Variants in MTG2 observed in about 807,000 individuals in gnomAD.
The protein encoded by MTG2 is mitochondrial ribosome-associated GTPase 2.
Under a neutral mutation model 28.6 loss-of-function variants are expected in MTG2, and 23 were observed. The observed-to-expected ratio is 0.80, with a 90% CI of 0.58 to 1.14. MTG2 has a LOEUF of 1.14. MTG2 is among the 50% of genes most tolerant of loss of function. MTG2 has a pLI of 0.00. For missense variants in MTG2, 539 were observed against 552.0 expected, an observed-to-expected ratio of 0.98 and a Z score of 0.24; for synonymous variants, 260 against 251.8, an observed-to-expected ratio of 1.03 and a Z score of -0.31.
chr20:62,193,392 A>G (rs1456611853), intron 1 of MTG2, 24 bp from the exon 2 acceptor site: 57 of 1,610,968 alleles, frequency 3.5e-5, no homozygotes, highest in Non-Finnish European at 4.6e-5. Context: ...CAAGTATCTC[A>G]TTTTGCCAAT....
intron 1 of MTG2, among the ~76,000 whole-genome samples, chr20:62,191,613 A>G (rs534845261): frequency 6.6e-6 from 1 of 152,278 alleles, no homozygotes; most frequent in East Asian, 1.9e-4. Flanking sequence ...CGTCCGAGGC[A>G]CTGCGAGGGA....
At chr20:62,199,686 A>C (rs1307599438) in intron 6 of MTG2, among the ~76,000 whole-genome samples, 6 of 140,478 alleles carry the variant, frequency 4.3e-5, no homozygotes, top group African/African-American at 1.6e-4. Context: ...TTCCTAATGT[A>C]AACAACTTTT....
chr20:62,195,778 G>A (rs770425820), intron 2 of MTG2, 24 bp from the exon 3 acceptor site: 27 of 1,613,664 alleles, frequency 1.7e-5, no homozygotes, highest in East Asian at 8.9e-5. Flanking sequence ...TTGAGATGAC[G>A]TGGGATATTT....
intron 1 of MTG2, among the ~76,000 whole-genome samples, chr20:62,184,590 G>C (rs2057802219): frequency 6.6e-6 from 1 of 152,150 alleles, no homozygotes. Flanking sequence ...CTGGAGGTGT[G>C]AGCCTCAGTC....
At chr20:62,196,800 G>A (rs1219740053) in intron 3 of MTG2, among the ~76,000 whole-genome samples, 2 of 151,660 alleles carry the variant, frequency 1.3e-5, no homozygotes, top group Admixed American at 6.6e-5. Flanking sequence ...AGACCGAGGC[G>A]GGTGGATCGC....
chr20:62,194,705 TG>T (rs1168790247), intron 2 of MTG2, among the ~76,000 whole-genome samples: 2 of 152,192 alleles, frequency 1.3e-5, no homozygotes, highest in East Asian at 3.9e-4. Flanking sequence ...GCAGCAGCCC[TG>T]GGTGGCTGTC....
At chr20:62,184,168 C>T (rs531574504) in intron 1 of MTG2, among the ~76,000 whole-genome samples, 6 of 152,318 alleles carry the variant, frequency 3.9e-5, no homozygotes, top group South Asian at 2.1e-4. Context: ...ACCAGCCTGG[C>T]CAACATGGTG....
At chr20:62,191,321 G>A (rs2057954398) in intron 1 of MTG2, among the ~76,000 whole-genome samples, 1 of 152,120 alleles carries the variant, frequency 6.6e-6, no homozygotes, top group Admixed American at 6.5e-5. Flanking sequence ...GGCCCACGTG[G>A]GAGGGGCTGT....
rs138844562 is a variant in MTG2, at chr20:62,197,966, G to A, written c.467G>A (p.Arg156Gln). The A allele has an allele frequency of 1.6e-5, 26 of 1,613,122 alleles. No individual in the cohort carries two copies. In the East Asian group the frequency reaches 2.7e-4, roughly 17 times the overall value. Reference protein sequence around the residue: ...FGRSGAVLYIRVPVGTLVKEG... With the variant: ...FGRSGAVLYIQVPVGTLVKEG... Reference sequence around the variant, plus strand: ...CGCAGTGGCGCCGTCCTCTACATCCGGGTGAGCCGAGACTGCCGGACCTGG... The same window carrying A: ...CGCAGTGGCGCCGTCCTCTACATCCAGGTGAGCCGAGACTGCCGGACCTGG... Residue 156 changes from arginine (R) to glutamine (Q), a missense_variant and splice_region_variant, in exon 4 of 7, where the codon CGG (arginine) becomes CAG (glutamine). Arg to Gln is a conservative substitution (Grantham distance 43). Coordinates refer to ENST00000370823, the MANE Select transcript of MTG2 (RefSeq NM_015666.4).
chr20:62,196,569 C>CTT (rs1292204240), intron 3 of MTG2, among the ~76,000 whole-genome samples: 1 of 151,682 alleles, frequency 6.6e-6, no homozygotes, highest in Non-Finnish European at 1.5e-5. Flanking sequence ...CTACTTGGGG[C>CTT]TGAAGCAGGA....
In MTG2 at chr20:62,197,914, G is replaced by T. The variant is rs766770799; in HGVS notation, c.415G>T (p.Asp139Tyr). 38 of 1,614,132 alleles carry T rather than the reference G, an allele frequency of 2.4e-5. No individual in the cohort carries two copies. Among genetic ancestry groups the T allele is most frequent in the African/African-American group, 6.7e-5 (5 of 74,952 alleles). ...LSRYQGFSGEDGGSKNCFGRS... is the reference protein window; with the variant it reads ...LSRYQGFSGEYGGSKNCFGRS... ...GCGGTACCAGGGTTTCAGTGGAGAA[G>T]ATGGAGGGAGTAAAAACTGCTTCGG... The change falls in exon 4 of 7, where the codon GAT becomes TAT. Residue 139 changes from aspartate to tyrosine, a missense_variant. Transcript: ENST00000370823.
At chr20:62,186,540 T>TTTTTG (rs2057851889) in intron 1 of MTG2, among the ~76,000 whole-genome samples, 1 of 147,728 alleles carries the variant, frequency 6.8e-6, no homozygotes, top group Non-Finnish European at 1.5e-5. Context: ...TTTTTTTTTT[T>TTTTTG]TTTTTTGAGA....
Position 62,195,969 on chromosome 20 carries a change from G to A in MTG2, c.352+20G>A. ...TGAGAGGCAGGTGCCCTGGGGCAGT[G>A]CAGCGGGGTTGAGGAGGGGCCCCGA... On this transcript the variant is annotated intron_variant, in intron 3 of 6. Transcript: ENST00000370823. 1 of 1,613,070 alleles carries A rather than the reference G, an allele frequency of 6.2e-7. No homozygotes were observed. The highest frequency in any genetic ancestry group is 1.1e-5 in the South Asian group (1 of 91,046).
chr20:62,195,240 G>A (rs1288213314), intron 2 of MTG2, among the ~76,000 whole-genome samples: 1 of 152,146 alleles, frequency 6.6e-6, no homozygotes, highest in Admixed American at 6.5e-5. Context: ...CCAGCGAGGG[G>A]CTCTGTTTGC....
Position 62,195,851 on chromosome 20 carries a change from G to GA in MTG2, c.255dup (p.Gly86ArgfsTer10). 1 of 1,614,232 alleles carries GA rather than the reference G, an allele frequency of 6.2e-7. No individual in the cohort carries two copies. The highest frequency in any genetic ancestry group is 8.5e-7 in the Non-Finnish European group (1 of 1,180,044). On this transcript the variant is annotated frameshift_variant, in exon 3 of 7. Coordinates refer to ENST00000370823, the MANE Select transcript of MTG2 (RefSeq NM_015666.4). LOFTEE classifies it high-confidence loss of function. The stretch of plus-strand genomic sequence containing the variant: ...AGAGTGCTTGTCTGTGGAGGAAACG[G>GA]AGGCGCTGGGGCAAGCTGCTTCCAC...
intron 1 of MTG2, among the ~76,000 whole-genome samples, chr20:62,185,871 C>G (rs2057832856): frequency 6.6e-6 from 1 of 152,176 alleles, no homozygotes; most frequent in Admixed American, 6.5e-5. Context: ...AGCGTGAAAA[C>G]AGTGGGATTT....
rs373074268 is a variant in MTG2, at chr20:62,197,835, T to G, written c.353-17T>G. 2.5e-6 allele frequency: 4 copies of G among 1,611,114 alleles called. No individual in the cohort carries two copies. The highest frequency in any genetic ancestry group is 4.5e-5 in the East Asian group (2 of 44,876). ...TGTCGTAACACAAAGGGACTGAGAT[T>G]CTTGTTCTTGCTTTAGTTGACCAGC... On this transcript the variant is annotated splice_polypyrimidine_tract_variant and intron_variant, in intron 3 of 6. Transcript: ENST00000370823.
intron 4 of MTG2, 149 bp from the exon 5 acceptor site, chr20:62,198,485 G>A (rs2058100379): frequency 7.8e-6 from 6 of 767,724 alleles, no homozygotes; most frequent in Non-Finnish European, 8.6e-6. Flanking sequence ...GTGCTCCGGA[G>A]CTGTTGGCAG....
chr20:62,193,952 T>TG, intron 2 of MTG2: 1 of 224,626 alleles, frequency 4.5e-6, no homozygotes, highest in Admixed American at 5.4e-5. Flanking sequence ...TTAAAACAAA[T>TG]GCGGAGGCTG....
Sources: allele counts gnomAD v4.1 joint callset (sites outside exome capture counted in the v4.1 genomes callset), GRCh38; gene constraint gnomAD v4.1.1; transcripts MANE v1.5; gene names NCBI Gene and HGNC (gene_info 2026-07-23, HGNC 2026-07-21).